ZNF385D: variants seen among roughly 807,000 people sequenced by gnomAD.
The protein encoded by ZNF385D is zinc finger protein 659.
ZNF385D carries 15 observed loss-of-function variants against 35.8 expected under a neutral mutation model. The ratio of observed to expected loss-of-function variants is 0.42; its 90% CI spans 0.28 to 0.64. The LOEUF is 0.64. Among genes scored for constraint, ZNF385D ranks in the 30% least tolerant of loss-of-function variants. The probability of loss-of-function intolerance (pLI) is 0.23; values close to 1 mark genes in which losing one functional copy is unlikely to be tolerated. For synonymous variants in ZNF385D, 212 were observed against 186.8 expected (o/e 1.13, Z -1.10); for missense variants, 474 against 494.6 (o/e 0.96, Z 0.39).
intron 3 of ZNF385D, among the ~76,000 whole-genome samples, chr3:22,003,933 T>G (rs753327983): frequency 1.4e-5 from 2 of 145,312 alleles, no homozygotes; most frequent in African/African-American, 5.0e-5. Context: ...AGACCCCAAA[T>G]AGTCAAAGCA....
At chr3:22,063,712 A>G (rs567601449) in intron 3 of ZNF385D, among the ~76,000 whole-genome samples, 2 of 152,260 alleles carry the variant, frequency 1.3e-5, no homozygotes, top group East Asian at 3.9e-4. Flanking sequence ...TCCAAGAATT[A>G]TACTTAGCTG....
chr3:21,454,227 G>A (rs944441922), intron 4 of ZNF385D, among the ~76,000 whole-genome samples: 16 of 152,026 alleles, frequency 1.1e-4, no homozygotes, highest in African/African-American at 3.9e-4. Context: ...AGAGGTAAAG[G>A]TTTCTTTTCA....
intron 3 of ZNF385D, among the ~76,000 whole-genome samples, chr3:22,154,855 A>G (rs1705487091): frequency 6.6e-6 from 1 of 152,076 alleles, no homozygotes; most frequent in African/African-American, 2.4e-5. Flanking sequence ...TAATAACACC[A>G]CCTCTCCACA....
chr3:22,220,486 G>A (rs1401663953), intron 2 of ZNF385D, among the ~76,000 whole-genome samples: 3 of 152,164 alleles, frequency 2.0e-5, no homozygotes, highest in African/African-American at 7.2e-5. Flanking sequence ...AAAAACGTCA[G>A]TGGAACCTAT....
At chr3:21,651,287 CAAAAAAAAAAAA>C (rs71044931) in intron 2 of ZNF385D, among the ~76,000 whole-genome samples, 1 of 80,118 alleles carries the variant, frequency 1.2e-5, no homozygotes, top group Admixed American at 1.7e-4. Flanking sequence ...GACTTCATCT[CAAAAAAAAAAAA>C]AAAAAAAAAA....
At chr3:22,088,196 G>T (rs1397328665) in intron 3 of ZNF385D, among the ~76,000 whole-genome samples, 1 of 152,160 alleles carries the variant, frequency 6.6e-6, no homozygotes. Flanking sequence ...ATATTAGGCT[G>T]CAAGGCATGT....
intron 1 of ZNF385D, among the ~76,000 whole-genome samples, chr3:21,697,918 G>T (rs946142074): frequency 2.0e-5 from 3 of 152,104 alleles, no homozygotes; most frequent in Non-Finnish European, 4.4e-5. Context: ...ACACCAGTCA[G>T]AATGGCTATT....
At chr3:22,069,498 A>G (rs1421461976) in intron 3 of ZNF385D, among the ~76,000 whole-genome samples, 2 of 152,196 alleles carry the variant, frequency 1.3e-5, no homozygotes, top group East Asian at 3.9e-4. Context: ...AACATAAACA[A>G]TAATAATGGC....
At chr3:21,670,582 C>T (rs1185683416) in intron 1 of ZNF385D, among the ~76,000 whole-genome samples, 1 of 142,834 alleles carries the variant, frequency 7.0e-6, no homozygotes, top group Non-Finnish European at 1.5e-5. Context: ...TAGATCTGAT[C>T]CTACTAATAA....
intron 2 of ZNF385D, among the ~76,000 whole-genome samples, chr3:22,224,016 C>A (rs1698410755): frequency 6.6e-6 from 1 of 152,100 alleles, no homozygotes; most frequent in Admixed American, 6.6e-5. Context: ...TGCCTGTACC[C>A]TGAAATAATA....
intron 2 of ZNF385D, among the ~76,000 whole-genome samples, chr3:21,635,772 A>G (rs1205931548): frequency 6.6e-6 from 1 of 152,080 alleles, no homozygotes; most frequent in Non-Finnish European, 1.5e-5. Context: ...TTACATTCTC[A>G]TAGCTTAGCT....
intron 3 of ZNF385D, among the ~76,000 whole-genome samples, chr3:21,975,382 G>C (rs566751368): frequency 6.6e-6 from 1 of 152,150 alleles, no homozygotes; most frequent in Non-Finnish European, 1.5e-5. Flanking sequence ...GAGAGAGAGA[G>C]TAAAATCGTG....
intron 3 of ZNF385D, among the ~76,000 whole-genome samples, chr3:22,049,110 A>G (rs1699187390): frequency 6.6e-6 from 1 of 151,938 alleles, no homozygotes; most frequent in African/African-American, 2.4e-5. Flanking sequence ...CACCCTGACC[A>G]ACATGGTGAA....
chr3:22,104,683 C>G (rs1185865394), intron 3 of ZNF385D, among the ~76,000 whole-genome samples: 2 of 152,080 alleles, frequency 1.3e-5, no homozygotes, highest in Non-Finnish European at 2.9e-5. Flanking sequence ...TCTTTCCCTA[C>G]CCATAACTAG....
At chr3:21,898,172 G>A (rs1309534540) in intron 3 of ZNF385D, among the ~76,000 whole-genome samples, 1 of 152,026 alleles carries the variant, frequency 6.6e-6, no homozygotes, top group Non-Finnish European at 1.5e-5. Flanking sequence ...AAACAAAAAA[G>A]AAACAATGCA....
intron 2 of ZNF385D, among the ~76,000 whole-genome samples, chr3:22,353,745 C>T (rs1461192571): frequency 2.0e-5 from 3 of 152,098 alleles, no homozygotes; most frequent in Non-Finnish European, 4.4e-5. Flanking sequence ...TTAACTAGAG[C>T]AATCTTACTC....
At chr3:21,900,934 A>G (rs187800964) in intron 3 of ZNF385D, among the ~76,000 whole-genome samples, 8 of 152,270 alleles carry the variant, frequency 5.3e-5, no homozygotes, top group East Asian at 3.9e-4. Flanking sequence ...TCCACTTTAT[A>G]GATGACGACA....
At chr3:21,663,475 G>C (rs923911031) in intron 2 of ZNF385D, among the ~76,000 whole-genome samples, 2 of 151,892 alleles carry the variant, frequency 1.3e-5, no homozygotes, top group East Asian at 3.9e-4. Flanking sequence ...AATTCCCCTG[G>C]GTGTCTGGGA....
rs753935865 is a variant in ZNF385D, at chr3:21,425,615, G to C, written c.729C>G (p.Ala243=). The C allele has an allele frequency of 6.2e-7, 1 of 1,603,860 alleles. No individual in the cohort carries two copies. Among genetic ancestry groups the C allele is most frequent in the Non-Finnish European group, 8.5e-7 (1 of 1,174,530 alleles). The part of the protein sequence containing the change: ...EARNGSGTIK[A]FPRAGVKGKG... Reference sequence around the variant, plus strand: ...TGCCTTTCACTCCTGCCCTAGGAAAGGCTTTGATAGTGCCACTTCCATTCC... The same window carrying C: ...TGCCTTTCACTCCTGCCCTAGGAAACGCTTTGATAGTGCCACTTCCATTCC... Residue 243 remains alanine, a synonymous_variant, in exon 6 of 8, where the codon GCC becomes GCG. Coordinates refer to ENST00000281523, the MANE Select transcript of ZNF385D (RefSeq NM_024697.3).
Sources: allele counts gnomAD v4.1 joint callset (sites outside exome capture counted in the v4.1 genomes callset), GRCh38; gene constraint gnomAD v4.1.1; transcripts MANE v1.5; gene names NCBI Gene and HGNC (gene_info 2026-07-23, HGNC 2026-07-21).